The following ITGB4 variants were observed in gnomAD, a reference collection of about 807,000 sequenced individuals.
ITGB4 encodes the protein integrin subunit beta 4.
ITGB4 carries 159 observed loss-of-function variants against 207.6 expected under a neutral mutation model. The observed-to-expected ratio is 0.77, with a 90% CI of 0.67 to 0.87. The LOEUF is 0.87. Among genes scored for constraint, ITGB4 ranks in the 40% least tolerant of loss-of-function variants. ITGB4 has a pLI of 0.00. For missense variants in ITGB4, 2,278 were observed against 2,546.8 expected (o/e 0.89, Z 2.27); for synonymous variants, 1,020 against 1,062.7 (o/e 0.96, Z 0.78).
At chr17:75,744,782 G>T (rs1327584683) in intron 26 of ITGB4, among the ~76,000 whole-genome samples, 3 of 152,102 alleles carry the variant, frequency 2.0e-5, no homozygotes, top group Non-Finnish European at 4.4e-5. Context: ...TTTGTTTTGT[G>T]TGGGGATTTT....
At chr17:75,753,020 C>G (rs1259908912) in intron 32 of ITGB4, among the ~76,000 whole-genome samples, 1 of 152,236 alleles carries the variant, frequency 6.6e-6, no homozygotes, top group African/African-American at 2.4e-5. Context: ...CTGCGGAGCC[C>G]TTAGCTGGGC....
At position 75,757,316 on chromosome 17, in the gene ITGB4, C is replaced by T; in HGVS notation, c.5329+6C>T. 1.2e-6 allele frequency: 2 copies of T among 1,612,490 alleles called. No homozygotes were observed. Among genetic ancestry groups the T allele is most frequent in the Non-Finnish European group, 8.5e-7 (1 of 1,179,904 alleles). On this transcript the variant is annotated splice_donor_region_variant and intron_variant, in intron 39 of 39. Coordinates refer to ENST00000200181, the MANE Select transcript of ITGB4 (RefSeq NM_000213.5). ...CACCGAGCCCTTCCTAGTGGGTGAG[C>T]ACTGAGGGCTAGGGGATCCCGGCTC... is the stretch of plus-strand genomic sequence containing the variant.
rs1412716235 is a variant in ITGB4, at chr17:75,739,033, C to T, written c.2221-639C>T. Among the ~76,000 whole-genome samples the T allele has an allele frequency of 6.6e-6, 1 of 151,668 alleles. No homozygotes were observed. The highest frequency in any genetic ancestry group is 1.5e-5 in the Non-Finnish European group (1 of 67,950). On this transcript the variant is annotated intron_variant, in intron 18 of 39. Transcript: ENST00000200181. The surrounding 1 kb of genome is among the most constrained non-coding windows in gnomAD (Gnocchi z 5.4). ...CTTAAATTTAAGTTACAGTGGCTCACACTTGTAACCCCAGCACTTTGGGAG... is the reference window on the plus strand; with the variant it reads ...CTTAAATTTAAGTTACAGTGGCTCATACTTGTAACCCCAGCACTTTGGGAG...
intron 25 of ITGB4, among the ~76,000 whole-genome samples, chr17:75,743,430 G>A (rs961964209): frequency 4.6e-5 from 7 of 152,002 alleles, no homozygotes; most frequent in African/African-American, 1.7e-4. Context: ...ATGGGGTTTC[G>A]CCATGTTGGC....
In ITGB4 at chr17:75,757,192, C is replaced by T. The variant is rs955037534; in HGVS notation, c.5219-8C>T. The T allele has an allele frequency of 2.5e-6, 4 of 1,612,276 alleles. No individual in the cohort carries two copies. Among genetic ancestry groups the T allele is most frequent in the Non-Finnish European group, 3.4e-6 (4 of 1,179,922 alleles). ...CCACCCTCTGACTGGCCTATCTGCCCACCCCAGGACCCTTCCCGCAGCTGG... is the reference window on the plus strand; with the variant it reads ...CCACCCTCTGACTGGCCTATCTGCCTACCCCAGGACCCTTCCCGCAGCTGG... On this transcript the variant is annotated splice_polypyrimidine_tract_variant and splice_region_variant and intron_variant, in intron 38 of 39. Coordinates refer to ENST00000200181, the MANE Select transcript of ITGB4 (RefSeq NM_000213.5).
chr17:75,730,626 T>A (rs1235815293), intron 8 of ITGB4, 122 bp downstream of exon 8: 2 of 1,070,620 alleles, frequency 1.9e-6, no homozygotes, highest in African/African-American at 3.6e-5. Context: ...CCCTCCCTCT[T>A]TTCCTCCCTT....
At chr17:75,735,845 G>A (rs1373526215) in intron 13 of ITGB4, among the ~76,000 whole-genome samples, 5 of 152,182 alleles carry the variant, frequency 3.3e-5, no homozygotes, top group Non-Finnish European at 7.3e-5. Context: ...TAATTACTCA[G>A]GCTGCAGAGT....
chr17:75,753,698 C>G (rs1458540050), intron 32 of ITGB4, 67 bp from the exon 33 acceptor site: 2 of 1,117,848 alleles, frequency 1.8e-6, no homozygotes, highest in Non-Finnish European at 2.3e-6. Context: ...TACGGCCTTC[C>G]CCCGCCTGGC....
rs1044998092 is a variant in ITGB4 at position 75,732,369 on chromosome 17, C to G, written c.1454+130C>G. The G allele has an allele frequency of 8.3e-6, 7 of 840,802 alleles. No homozygotes were observed. The African/African-American group carries it at 1.0e-4, about 12-fold the overall frequency. The allele number at this position is 840,802 out of a possible 1,614,324, so 52.1% of individuals were successfully genotyped here. A position where few individuals can be genotyped will look rare whatever the true frequency, so the allele number is the denominator to read the frequency against. The stretch of plus-strand genomic sequence containing the variant: ...GGGGGTGGGGCGGCAATCAAAGAAA[C>G]GGCTAAGGGCGGGGCACACCCAGTT... On this transcript the variant is annotated intron_variant, in intron 12 of 39. Coordinates refer to ENST00000200181, the MANE Select transcript of ITGB4 (RefSeq NM_000213.5). The surrounding 1 kb of genome is among the most constrained non-coding windows in gnomAD (Gnocchi z 5.3).
intron 26 of ITGB4, among the ~76,000 whole-genome samples, chr17:75,747,631 A>G (rs188172000): frequency 1.3e-5 from 2 of 152,272 alleles, no homozygotes; most frequent in East Asian, 3.9e-4. Flanking sequence ...GACTCCTTTA[A>G]TCTAGAAAAG....
Position 75,722,693 on chromosome 17 carries a change from G to A in ITGB4, c.-11+1081G>A, listed in dbSNP as rs1338744696. 1.3e-5 allele frequency among the ~76,000 whole-genome samples: 2 copies of A among 151,994 alleles called. No individual in the cohort carries two copies. The highest frequency in any genetic ancestry group is 2.9e-5 in the Non-Finnish European group (2 of 67,984). On this transcript the variant is annotated intron_variant, in intron 1 of 39. Coordinates refer to ENST00000200181, the MANE Select transcript of ITGB4 (RefSeq NM_000213.5). This position sits in a 1 kb window ranked among gnomAD's most constrained non-coding sequence, Gnocchi z 6.2. ...GTGGACAGGAGCAGGTGTGCCCAGA[G>A]GGGTCCCCAGGGGTTGGGATGGGGG...
chr17:75,730,761 G>C, intron 8 of ITGB4, 114 bp from the exon 9 acceptor site: 1 of 1,125,936 alleles, frequency 8.9e-7, no homozygotes, highest in Non-Finnish European at 1.3e-6. Flanking sequence ...CAGGCTCTGC[G>C]ACACCACAGT....
Position 75,731,486 on chromosome 17 carries a change from A to T in ITGB4, c.1215+118A>T. On this transcript the variant is annotated intron_variant, in intron 10 of 39. Transcript: ENST00000200181. The surrounding 1 kb of genome is among the most constrained non-coding windows in gnomAD (Gnocchi z 6.8). ...TGGAGTCAGGCAGGCCTGGGTGCAG[A>T]TCCCTGGGCCTAGCCGCTCGGATGA... is the stretch of plus-strand genomic sequence containing the variant. The T allele has an allele frequency of 9.1e-7, 1 of 1,098,594 alleles. No individual in the cohort carries two copies. The highest frequency in any genetic ancestry group is 1.3e-6 in the Non-Finnish European group (1 of 761,784). 68.1% of individuals were successfully genotyped at this position (1,098,594 alleles called of 1,614,324 possible).
chr17:75,739,651 C>G lies in ITGB4; in HGVS notation c.2221-21C>G, dbSNP rs1467920814. 6 of 1,614,092 alleles carry G rather than the reference C, an allele frequency of 3.7e-6. No individual in the cohort carries two copies. The highest frequency in any genetic ancestry group is 4.2e-6 in the Non-Finnish European group (5 of 1,180,016). On this transcript the variant is annotated intron_variant, in intron 18 of 39. Coordinates refer to ENST00000200181, the MANE Select transcript of ITGB4 (RefSeq NM_000213.5). This position sits in a 1 kb window ranked among gnomAD's most constrained non-coding sequence, Gnocchi z 5.4. Reference sequence around the variant, plus strand: ...CAGGGCAGCTGTCTCAGGCCTCACCCTCACCCACCTTGTCTCCTAGGCCTG... The same window carrying G: ...CAGGGCAGCTGTCTCAGGCCTCACCGTCACCCACCTTGTCTCCTAGGCCTG...
rs761507638 is a variant in ITGB4, at chr17:75,755,802, G to A, written c.4660G>A (p.Glu1554Lys). 1.4e-5 allele frequency: 23 copies of A among 1,610,242 alleles called. No individual in the cohort carries two copies. Among genetic ancestry groups the A allele is most frequent in the Admixed American group, 3.3e-5 (2 of 59,978 alleles). ...LRVSWQEPRC[E>K]RPLQGYSVEY... is the part of the protein sequence containing the mutation. Reference sequence around the variant, plus strand: ...AGTGAGCTGGCAGGAGCCGCGGTGCGAGCGGCCGCTGCAGGGCTACAGTGT... The same window carrying A: ...AGTGAGCTGGCAGGAGCCGCGGTGCAAGCGGCCGCTGCAGGGCTACAGTGT... The change falls in exon 35 of 40, where the codon GAG becomes AAG. Residue 1554 changes from glutamate (E) to lysine (K), a missense_variant. Physicochemically the swap from Glu to Lys is moderately conservative, Grantham distance 56. Coordinates refer to ENST00000200181, the MANE Select transcript of ITGB4 (RefSeq NM_000213.5).
chr17:75,744,278 G>A (rs887741529), intron 26 of ITGB4, among the ~76,000 whole-genome samples: 2 of 152,154 alleles, frequency 1.3e-5, no homozygotes, highest in Admixed American at 6.5e-5. Context: ...GTGCCACCAC[G>A]CATGTCTAAT....
chr17:75,733,606 T>A lies in ITGB4; in HGVS notation c.1571T>A (p.Val524Glu). ...GRGECQCGHCVCYGEGRYEGQ... is the reference protein window; with the variant it reads ...GRGECQCGHCECYGEGRYEGQ... ...GGGGAGTGCCAGTGCGGGCACTGTGTGTGCTACGGCGAAGGCCGCTACGAG... is the reference window on the plus strand; with the variant it reads ...GGGGAGTGCCAGTGCGGGCACTGTGAGTGCTACGGCGAAGGCCGCTACGAG... The change falls in exon 13 of 40, where the codon GTG (valine) becomes GAG (glutamate). Residue 524 changes from valine (V) to glutamate (E), a missense_variant. By Grantham distance (121) the Val-to-Glu change is moderately radical. Coordinates refer to ENST00000200181, the MANE Select transcript of ITGB4 (RefSeq NM_000213.5). 1 of 1,614,186 alleles carries A rather than the reference T, an allele frequency of 6.2e-7. No homozygotes were observed.
At chr17:75,726,798 G>GC (rs1303801999) in intron 2 of ITGB4, among the ~76,000 whole-genome samples, 4 of 151,894 alleles carry the variant, frequency 2.6e-5, no homozygotes, top group African/African-American at 9.7e-5. Context: ...ATAAGGCCGG[G>GC]CCCGGTGGCT....
rs754444345 is a variant in ITGB4, at chr17:75,750,869, T to C, written c.3655+9T>C. 2.5e-6 allele frequency: 4 copies of C among 1,613,320 alleles called. No individual in the cohort carries two copies. The highest frequency in any genetic ancestry group is 2.2e-5 in the East Asian group (1 of 44,896). On this transcript the variant is annotated intron_variant, in intron 29 of 39. Transcript: ENST00000200181. This position sits in a 1 kb window ranked among gnomAD's most constrained non-coding sequence, Gnocchi z 5.5. Reference sequence around the variant, plus strand: ...CCGCACCCACCAGGAAGGTGAGGCCTCGCCATGTCTGTCCATTTGTCCCCT... The same window carrying C: ...CCGCACCCACCAGGAAGGTGAGGCCCCGCCATGTCTGTCCATTTGTCCCCT...
Sources: allele counts gnomAD v4.1 joint callset (sites outside exome capture counted in the v4.1 genomes callset), GRCh38; gene constraint gnomAD v4.1.1; non-coding constraint Gnocchi (gnomAD v3.1); transcripts MANE v1.5; gene names NCBI Gene and HGNC (gene_info 2026-07-23, HGNC 2026-07-21).